ITPR2: variants seen among roughly 807,000 people sequenced by gnomAD.
ITPR2 encodes the protein inositol 1,4,5-trisphosphate-gated calcium channel ITPR2.
A neutral mutation model predicts 317.1 loss-of-function variants in ITPR2; 207 were observed. The ratio of observed to expected loss-of-function variants is 0.65; its 90% CI spans 0.58 to 0.73. The LOEUF (loss-of-function observed/expected upper bound fraction) is 0.73, where lower values mean the gene tolerates loss of function less well. Among genes scored for constraint, ITPR2 ranks in the 30% least tolerant of loss-of-function variants. The probability of loss-of-function intolerance (pLI) is 0.00; values close to 1 mark genes in which losing one functional copy is unlikely to be tolerated. For synonymous variants in ITPR2, 1,156 were observed against 1,149.1 expected (o/e 1.01, Z -0.12); for missense variants, 2,613 against 3,284.0 (o/e 0.80, Z 4.99).
At chr12:26,454,418 A>G (rs1053477224) in intron 45 of ITPR2, among the ~76,000 whole-genome samples, 8 of 152,050 alleles carry the variant, frequency 5.3e-5, no homozygotes, top group African/African-American at 1.9e-4. Context: ...ATTGGCCAGG[A>G]TGGTCTCGAG....
chr12:26,447,499 T>G (rs1941635204), intron 45 of ITPR2, among the ~76,000 whole-genome samples: 1 of 148,332 alleles, frequency 6.7e-6, no homozygotes, highest in Non-Finnish European at 1.5e-5. Context: ...TTCACTTCAG[T>G]ATGGGTCCAA....
intron 30 of ITPR2, among the ~76,000 whole-genome samples, chr12:26,597,693 CA>C (rs1945882734): frequency 6.6e-6 from 1 of 152,138 alleles, no homozygotes; most frequent in East Asian, 1.9e-4. Context: ...CCGAGAGAAA[CA>C]AAGATATGAA....
intron 1 of ITPR2, among the ~76,000 whole-genome samples, chr12:26,810,887 A>C (rs1380481431): frequency 6.6e-5 from 10 of 152,050 alleles, no homozygotes. Context: ...GCTGGTCTCA[A>C]ACTCCTGGGC....
intron 49 of ITPR2, among the ~76,000 whole-genome samples, chr12:26,422,093 T>C (rs1940914863): frequency 1.3e-5 from 2 of 150,884 alleles, no homozygotes; most frequent in East Asian, 3.9e-4. Context: ...TAATTATTTA[T>C]GAAATTATTA....
At chr12:26,536,205 A>G (rs1410266797) in intron 37 of ITPR2, among the ~76,000 whole-genome samples, 1 of 152,158 alleles carries the variant, frequency 6.6e-6, no homozygotes, top group Non-Finnish European at 1.5e-5. Flanking sequence ...CAGCCAAATA[A>G]CTTAAATAAT....
intron 55 of ITPR2, among the ~76,000 whole-genome samples, chr12:26,385,123 G>T (rs1229712228): frequency 6.6e-6 from 1 of 152,118 alleles, no homozygotes; most frequent in Admixed American, 6.5e-5. Context: ...CAGAAGCTCA[G>T]GCAGGTTTCA....
At chr12:26,506,294 A>G (rs1352423517) in intron 37 of ITPR2, among the ~76,000 whole-genome samples, 1 of 151,916 alleles carries the variant, frequency 6.6e-6, no homozygotes, top group Non-Finnish European at 1.5e-5. Flanking sequence ...GGATCACTTG[A>G]GCTCAGGAGT....
intron 20 of ITPR2, among the ~76,000 whole-genome samples, chr12:26,655,085 C>G (rs1187105678): frequency 6.6e-6 from 1 of 152,138 alleles, no homozygotes; most frequent in Admixed American, 6.5e-5. Context: ...CTAGTTTTGT[C>G]ACTACATCCC....
At chr12:26,739,004 G>A (rs1417592293) in intron 2 of ITPR2, among the ~76,000 whole-genome samples, 1 of 152,164 alleles carries the variant, frequency 6.6e-6, no homozygotes, top group Non-Finnish European at 1.5e-5. Flanking sequence ...AATCCAATAA[G>A]ATTTAAACAG....
At chr12:26,712,884 A>C (rs966816193) in intron 8 of ITPR2, among the ~76,000 whole-genome samples, 1 of 152,212 alleles carries the variant, frequency 6.6e-6, no homozygotes, top group African/African-American at 2.4e-5. Context: ...TGACCAAGAT[A>C]TTATCTATGC....
chr12:26,422,697 A>G (rs1033744510), intron 49 of ITPR2, among the ~76,000 whole-genome samples: 73 of 152,282 alleles, frequency 4.8e-4, no homozygotes, highest in African/African-American at 1.6e-3. Context: ...TATTCATTTC[A>G]TCTTATTTGG....
At chr12:26,611,730 C>A (rs1219420497) in intron 26 of ITPR2, among the ~76,000 whole-genome samples, 2 of 152,156 alleles carry the variant, frequency 1.3e-5, no homozygotes, top group Non-Finnish European at 2.9e-5. Context: ...GCAATGCCCA[C>A]GTGACCTGCA....
At chr12:26,658,822 G>A (rs531879506) in intron 16 of ITPR2, among the ~76,000 whole-genome samples, 2 of 152,242 alleles carry the variant, frequency 1.3e-5, no homozygotes, top group Admixed American at 1.3e-4. Flanking sequence ...AAGTGTGCAA[G>A]GATCTAAATG....
chr12:26,369,285 A>C (rs1939110775), intron 55 of ITPR2, among the ~76,000 whole-genome samples: 1 of 152,090 alleles, frequency 6.6e-6, no homozygotes, highest in Admixed American at 6.6e-5. Context: ...TTTATGTTTT[A>C]GATTTTTTTC....
In ITPR2 at chr12:26,483,864, T is replaced by TA; in HGVS notation, c.5845dup (p.Tyr1949LeufsTer6). The TA allele has an allele frequency of 6.2e-7, 1 of 1,614,222 alleles. No individual in the cohort carries two copies. The highest frequency in any genetic ancestry group is 1.3e-5 in the African/African-American group (1 of 75,064). On this transcript the variant is annotated frameshift_variant, in exon 42 of 57. Coordinates refer to ENST00000381340, the MANE Select transcript of ITPR2 (RefSeq NM_002223.4). LOFTEE classifies it high-confidence loss of function. ...CTGAAGGGTCTCACAGACTAGGTTG[T>TA]AATTTGTTTTGTTGTTTTGATTCCT...
At chr12:26,763,716 C>T (rs181031108) in intron 2 of ITPR2, among the ~76,000 whole-genome samples, 15 of 152,152 alleles carry the variant, frequency 9.9e-5, no homozygotes, top group Admixed American at 9.8e-4. Flanking sequence ...GGCATTTCTC[C>T]ATTCTTTTAC....
chr12:26,794,343 T>G (rs1222596773), intron 1 of ITPR2, among the ~76,000 whole-genome samples: 1 of 152,234 alleles, frequency 6.6e-6, no homozygotes, highest in Non-Finnish European at 1.5e-5. Flanking sequence ...TAAAGTATAC[T>G]ATTAATTATT....
At chr12:26,465,616 C>CCT (rs113967186) in intron 45 of ITPR2, among the ~76,000 whole-genome samples, 13 of 150,480 alleles carry the variant, frequency 8.6e-5, no homozygotes, top group African/African-American at 2.2e-4. Flanking sequence ...CCTCTGGCGC[C>CCT]CTCTCTCTCT....
chr12:26,502,660 G>T (rs547005970), intron 37 of ITPR2, among the ~76,000 whole-genome samples: 5 of 152,194 alleles, frequency 3.3e-5, no homozygotes, highest in African/African-American at 7.2e-5. Flanking sequence ...GTTGCTGAGT[G>T]GGGGGTAAGG....
Sources: gnomAD v4.1 joint callset for allele counts (sites outside exome capture counted in the v4.1 genomes callset) on GRCh38, gnomAD v4.1.1 for gene constraint, MANE v1.5 for transcripts, NCBI Gene and HGNC (gene_info 2026-07-23, HGNC 2026-07-21) for gene names.